The following CDH12 variants were observed in gnomAD, a reference collection of about 807,000 sequenced individuals.
CDH12 encodes cadherin 12.
In CDH12, 41 loss-of-function variants were observed where a neutral mutation model predicts 74.1. The observed-to-expected ratio is 0.55, with a 90% confidence interval of 0.43 to 0.72. The LOEUF (loss-of-function observed/expected upper bound fraction) is 0.72, where lower values mean the gene tolerates loss of function less well. Ranked by LOEUF, CDH12 falls within the 30% of genes least tolerant of loss-of-function variation. CDH12 has a pLI of 0.00. For missense variants in CDH12, 945 were observed against 977.2 expected (o/e 0.97, Z 0.44); for synonymous variants, 399 against 355.0 (o/e 1.12, Z -1.39).
chr5:21,763,672 A>G (rs911719357), intron 12 of CDH12, among the ~76,000 whole-genome samples: 2 of 152,186 alleles, frequency 1.3e-5, no homozygotes, highest in African/African-American at 4.8e-5. Context: ...TTCATGACAT[A>G]ATCTTTTCAT....
At position 22,500,661 on chromosome 5, in the gene CDH12, G is replaced by T. The variant is rs148152815; in HGVS notation, c.-428+4609C>A. ...CTTAAAAACTCTGACATCTTTGATT[G>T]CTGCACAAAGATTCCATGCTCAGTA... On this transcript the variant is annotated intron_variant, in intron 2 of 14. Transcript: ENST00000382254. Among the ~76,000 whole-genome samples, 488 of 152,212 alleles carry T rather than the reference G, an allele frequency of 3.2e-3. 2 individuals carry two copies. The highest frequency in any genetic ancestry group is 0.011 in the African/African-American group (462 of 41,544).
chr5:22,000,945 G>A lies in CDH12; in HGVS notation c.232-25560C>T, dbSNP rs547887282. Among the ~76,000 whole-genome samples, 904 of 152,234 alleles carry A rather than the reference G, an allele frequency of 5.9e-3. 7 individuals are homozygous for A. The highest frequency in any genetic ancestry group is 8.0e-3 in the Non-Finnish European group (543 of 68,016). On this transcript the variant is annotated intron_variant, in intron 5 of 14. Coordinates refer to ENST00000382254, the MANE Select transcript of CDH12 (RefSeq NM_004061.5). ...TTAGAAAAAAGAAGTAATCAGTGCT[G>A]TAGAAAATTTCATTGATGCAGTTTT...
chr5:21,814,717 T>G (rs2149942247), intron 9 of CDH12, among the ~76,000 whole-genome samples: 1 of 150,536 alleles, frequency 6.6e-6, no homozygotes, highest in African/African-American at 2.4e-5. Context: ...GTACCTTAAT[T>G]TTACTTTGGA....
chr5:22,074,734 G>T (rs1249321482), intron 5 of CDH12, among the ~76,000 whole-genome samples: 3 of 152,130 alleles, frequency 2.0e-5, no homozygotes, highest in Non-Finnish European at 4.4e-5. Flanking sequence ...GGCCATCAGA[G>T]AAATGCAAAT....
chr5:21,998,491 T>C (rs1010897405), intron 5 of CDH12, among the ~76,000 whole-genome samples: 159 of 152,040 alleles, frequency 1.0e-3, no homozygotes, highest in Non-Finnish European at 1.4e-3. Context: ...CACAAATAGT[T>C]CCCTGCTTAA....
intron 8 of CDH12, among the ~76,000 whole-genome samples, chr5:21,820,421 A>G (rs1393065271): frequency 6.6e-6 from 1 of 152,006 alleles, no homozygotes; most frequent in Non-Finnish European, 1.5e-5. Flanking sequence ...CATTCCACTA[A>G]CATGCACCCC....
chr5:22,639,533 C>A lies in CDH12; in HGVS notation c.-522-134169G>T, dbSNP rs138443009. Among the ~76,000 whole-genome samples the A allele has an allele frequency of 3.6e-3, 541 of 151,044 alleles. 1 individual carries two copies. Among genetic ancestry groups the A allele is most frequent in the African/African-American group, 0.01 (416 of 41,090 alleles). ...ACCACAGCCAACATGAGGCAATTGC[C>A]GACTGCTCTAAACTGAATTGGAACC... On this transcript the variant is annotated intron_variant, in intron 1 of 14. Transcript: ENST00000382254.
chr5:21,905,420 G>A (rs1234939423), intron 6 of CDH12, among the ~76,000 whole-genome samples: 1 of 152,192 alleles, frequency 6.6e-6, no homozygotes, highest in Non-Finnish European at 1.5e-5. Context: ...ATACAGCAGT[G>A]AGTAAAACAG....
chr5:22,707,915 A>G (rs1045702087), intron 1 of CDH12, among the ~76,000 whole-genome samples: 8 of 152,296 alleles, frequency 5.3e-5, no homozygotes, highest in African/African-American at 1.7e-4. Context: ...ATTTCTGAGA[A>G]ACTGTAGTTC....
chr5:21,893,240 C>CATTCA (rs374130553), intron 6 of CDH12, among the ~76,000 whole-genome samples: 2,692 of 152,184 alleles, frequency 0.018, 63 homozygotes, highest in African/African-American at 0.05. Context: ...GTGTTTGCAG[C>CATTCA]AACTATTTAG....
chr5:22,257,933 T>C (rs553418508), intron 3 of CDH12, among the ~76,000 whole-genome samples: 1 of 151,884 alleles, frequency 6.6e-6, no homozygotes, highest in African/African-American at 2.4e-5. Flanking sequence ...CACAAAAGAG[T>C]GAAAAAGTTA....
At chr5:22,212,089 A>C (rs1751577369) in intron 4 of CDH12, 1 of 151,554 alleles carries the variant, frequency 6.6e-6, no homozygotes, top group South Asian at 2.1e-4. Flanking sequence ...AAGCTGCACA[A>C]AATCTCAACT....
chr5:21,819,821 G>T (rs143618905), intron 8 of CDH12, among the ~76,000 whole-genome samples: 96 of 152,008 alleles, frequency 6.3e-4, no homozygotes, highest in African/African-American at 2.1e-3. Flanking sequence ...ATAAGGAGCG[G>T]AGTAGTATGA....
chr5:21,880,510 CCTCCCTCT>C (rs1318754072), intron 6 of CDH12, among the ~76,000 whole-genome samples: 16 of 84,808 alleles, frequency 1.9e-4, no homozygotes, highest in Non-Finnish European at 4.4e-4. Flanking sequence ...TTCCTCCCTC[CCTCCCTCT>C]TTTCTTTCTT....
At chr5:22,797,228 C>T (rs1213808245) in intron 1 of CDH12, among the ~76,000 whole-genome samples, 1 of 145,668 alleles carries the variant, frequency 6.9e-6, no homozygotes, top group Non-Finnish European at 1.5e-5. Flanking sequence ...CTCTCTTGCA[C>T]TTGCTGCCAT....
intron 2 of CDH12, among the ~76,000 whole-genome samples, chr5:22,475,150 C>G (rs1378922435): frequency 6.6e-6 from 1 of 151,146 alleles, no homozygotes; most frequent in Non-Finnish European, 1.5e-5. Context: ...GGAAGAAGAC[C>G]CTCATCCTTG....
Position 21,797,582 on chromosome 5 carries a change from G to C in CDH12, c.1256+4585C>G, listed in dbSNP as rs115620222. 3.7e-3 allele frequency among the ~76,000 whole-genome samples: 566 copies of C among 152,050 alleles called. 6 individuals carry two copies. The highest frequency in any genetic ancestry group is 0.013 in the African/African-American group (551 of 41,514). On this transcript the variant is annotated intron_variant, in intron 10 of 14. Transcript: ENST00000382254. ...CAATTAGATCCATCTGTGTCAAGTG[G>C]GCCGACTGCGACTCATTAGAACTAA... is the stretch of plus-strand genomic sequence containing the variant.
chr5:22,592,807 A>T (rs1336065934), intron 1 of CDH12, among the ~76,000 whole-genome samples: 3 of 151,796 alleles, frequency 2.0e-5, no homozygotes, highest in Non-Finnish European at 4.4e-5. Flanking sequence ...TTGGGAGCGG[A>T]TCACCTGAGA....
chr5:22,544,209 A>G (rs1414400258), intron 1 of CDH12, among the ~76,000 whole-genome samples: 2 of 151,962 alleles, frequency 1.3e-5, no homozygotes, highest in East Asian at 3.9e-4. Flanking sequence ...TTGCCTTCCA[A>G]TGATGCAGAG....
Sources: allele counts gnomAD v4.1 joint callset (sites outside exome capture counted in the v4.1 genomes callset), GRCh38; gene constraint gnomAD v4.1.1; transcripts MANE v1.5; gene names NCBI Gene and HGNC (gene_info 2026-07-23, HGNC 2026-07-21).